Variants in PLCB1 observed in about 807,000 individuals in gnomAD.
The protein encoded by PLCB1 is 1-phosphatidylinositol 4,5-bisphosphate phosphodiesterase beta-1.
A neutral mutation model predicts 161.8 loss-of-function variants in PLCB1; 46 were observed. The observed-to-expected ratio is 0.28, with a 90% CI of 0.22 to 0.36. PLCB1 has a LOEUF of 0.36. Among genes scored for constraint, PLCB1 ranks in the 10% least tolerant of loss-of-function variants. The pLI is 1.00. For synonymous variants in PLCB1, 517 were observed against 503.7 expected (o/e 1.03, Z -0.35); for missense variants, 1,016 against 1,472.5 (o/e 0.69, Z 5.07).
intron 2 of PLCB1, among the ~76,000 whole-genome samples, chr20:8,282,938 C>G (rs111674448): frequency 5.3e-5 from 8 of 152,250 alleles, no homozygotes; most frequent in African/African-American, 1.9e-4. Context: ...TATTTCTACT[C>G]TGAGATAATT....
chr20:8,701,449 C>T (rs1978352068), intron 11 of PLCB1, among the ~76,000 whole-genome samples: 1 of 152,154 alleles, frequency 6.6e-6, no homozygotes, highest in South Asian at 2.1e-4. Flanking sequence ...GTGAGGCCTC[C>T]TGGGACCCAT....
chr20:8,527,464 A>G (rs1206853281), intron 3 of PLCB1, among the ~76,000 whole-genome samples: 10 of 152,194 alleles, frequency 6.6e-5, no homozygotes, highest in African/African-American at 1.7e-4. Flanking sequence ...ATGTTTTACC[A>G]TATTGGAAGA....
intron 2 of PLCB1, among the ~76,000 whole-genome samples, chr20:8,347,753 A>G (rs1303246905): frequency 6.6e-6 from 1 of 152,212 alleles, no homozygotes; most frequent in African/African-American, 2.4e-5. Context: ...CTGAAAGATA[A>G]AATGAAACAT....
At chr20:8,618,609 T>A (rs915978589) in intron 3 of PLCB1, among the ~76,000 whole-genome samples, 2 of 152,152 alleles carry the variant, frequency 1.3e-5, no homozygotes, top group African/African-American at 4.8e-5. Flanking sequence ...ACAAGACAAT[T>A]TTTTTCTTAT....
intron 31 of PLCB1, among the ~76,000 whole-genome samples, chr20:8,811,872 T>C (rs1006953155): frequency 1.3e-5 from 2 of 152,184 alleles, no homozygotes; most frequent in African/African-American, 2.4e-5. Context: ...TTGCACATAA[T>C]AAACTCATAT....
At chr20:8,567,174 C>T (rs558046723) in intron 3 of PLCB1, among the ~76,000 whole-genome samples, 15 of 152,124 alleles carry the variant, frequency 9.9e-5, no homozygotes, top group Non-Finnish European at 1.9e-4. Flanking sequence ...TAAAATGTCA[C>T]GGACTTCTGC....
intron 2 of PLCB1, among the ~76,000 whole-genome samples, chr20:8,334,100 T>C (rs1248035310): frequency 6.6e-6 from 1 of 152,002 alleles, no homozygotes; most frequent in Non-Finnish European, 1.5e-5. Flanking sequence ...TCCCAGCTAC[T>C]TGGGAGGCTG....
intron 3 of PLCB1, among the ~76,000 whole-genome samples, chr20:8,511,684 G>A (rs568756794): frequency 9.2e-5 from 14 of 152,168 alleles, no homozygotes; most frequent in South Asian, 4.2e-4. Context: ...GCCAACGTTC[G>A]TTATCTTTTG....
chr20:8,313,056 T>G (rs1984481311), intron 2 of PLCB1, among the ~76,000 whole-genome samples: 1 of 152,218 alleles, frequency 6.6e-6, no homozygotes, highest in African/African-American at 2.4e-5. Flanking sequence ...AAATAAAATT[T>G]TGGTGCCCCG....
At chr20:8,696,521 A>G (rs948547344) in intron 10 of PLCB1, among the ~76,000 whole-genome samples, 2 of 151,954 alleles carry the variant, frequency 1.3e-5, no homozygotes, top group African/African-American at 2.4e-5. Flanking sequence ...CAGTTTGCCA[A>G]TTTTTTCCAA....
chr20:8,508,112 G>A (rs1456075609), intron 3 of PLCB1, among the ~76,000 whole-genome samples: 3 of 152,178 alleles, frequency 2.0e-5, no homozygotes, highest in African/African-American at 7.2e-5. Context: ...GTGCCTGTCT[G>A]AACAAAGGTG....
chr20:8,810,407 A>T (rs1476349171), intron 31 of PLCB1, among the ~76,000 whole-genome samples: 1 of 152,134 alleles, frequency 6.6e-6, no homozygotes, highest in Admixed American at 6.6e-5. Flanking sequence ...TACCATCATA[A>T]CATTTTGGGA....
intron 2 of PLCB1, among the ~76,000 whole-genome samples, chr20:8,277,192 G>C (rs915348197): frequency 6.6e-6 from 1 of 151,312 alleles, no homozygotes; most frequent in African/African-American, 2.4e-5. Context: ...GTAGAGACGG[G>C]GTTTACATTG....
chr20:8,517,029 G>T lies in PLCB1; in HGVS notation c.247-111265G>T, dbSNP rs1984157372. Among the ~76,000 whole-genome samples, 4 of 152,180 alleles carry T rather than the reference G, an allele frequency of 2.6e-5. 1 individual carries two copies. In the East Asian group the frequency reaches 7.8e-4, roughly 30 times the overall value. ...GAGTTTAACCACTGGACAGCAGAGT[G>T]GGTGCTAGAGCTGACTCTTGAAGGA... On this transcript the variant is annotated intron_variant, in intron 3 of 31. Coordinates refer to ENST00000338037, the MANE Select transcript of PLCB1 (RefSeq NM_015192.4).
intron 31 of PLCB1, among the ~76,000 whole-genome samples, chr20:8,823,432 A>ACC (rs1355765668): frequency 7.2e-5 from 11 of 151,812 alleles, no homozygotes; most frequent in Non-Finnish European, 4.4e-5. Flanking sequence ...CAGAGCCACC[A>ACC]CCCCTGCCTG....
chr20:8,338,972 T>C (rs1600326540), intron 2 of PLCB1, among the ~76,000 whole-genome samples: 1 of 152,224 alleles, frequency 6.6e-6, no homozygotes, highest in East Asian at 1.9e-4. Context: ...TGTTGTTCCA[T>C]GTTGCATTCC....
At chr20:8,156,354 C>T (rs2051562221) in intron 2 of PLCB1, among the ~76,000 whole-genome samples, 1 of 152,290 alleles carries the variant, frequency 6.6e-6, no homozygotes, top group Non-Finnish European at 1.5e-5. Flanking sequence ...TGAAAATGTT[C>T]CCCTTATGGG....
intron 31 of PLCB1, among the ~76,000 whole-genome samples, chr20:8,840,463 A>G (rs1986459026): frequency 6.6e-6 from 1 of 152,208 alleles, no homozygotes; most frequent in African/African-American, 2.4e-5. Flanking sequence ...TAGCAAGAAC[A>G]TGGTGAGCTG....
intron 31 of PLCB1, among the ~76,000 whole-genome samples, chr20:8,795,890 A>AAAG (rs60009737): frequency 0.024 from 3,338 of 139,682 alleles, 128 homozygotes; most frequent in African/African-American, 0.085. Context: ...AAAAAAAAAA[A>AAAG]AAAAGAAAAG....
Sources: allele counts gnomAD v4.1 joint callset (sites outside exome capture counted in the v4.1 genomes callset), GRCh38; gene constraint gnomAD v4.1.1; transcripts MANE v1.5; gene names NCBI Gene and HGNC (gene_info 2026-07-23, HGNC 2026-07-21).